Variants in TBCD observed in about 807,000 individuals in gnomAD.
TBCD encodes tubulin-specific chaperone D.
In TBCD, 105 loss-of-function variants were observed where a neutral mutation model predicts 169.3. That is an observed-to-expected ratio of 0.62 (90% CI 0.53 to 0.73). The LOEUF (loss-of-function observed/expected upper bound fraction) is 0.73, where lower values mean the gene tolerates loss of function less well. Among genes scored for constraint, TBCD ranks in the 30% least tolerant of loss-of-function variants. The probability of loss-of-function intolerance (pLI) is 0.00; values close to 1 mark genes in which losing one functional copy is unlikely to be tolerated. For synonymous variants in TBCD, 700 were observed against 643.9 expected (o/e 1.09, Z -1.32); for missense variants, 1,444 against 1,600.1 (o/e 0.90, Z 1.66).
rs761786040 is a variant in TBCD, at chr17:82,870,392, C to T, written c.1475+12C>T. ...ACTGCAATCTCGAGGTAGGCCCATT[C>T]GTCGAGGTACATCGGATGCGCCGTG... On this transcript the variant is annotated intron_variant, in intron 14 of 38. Coordinates refer to ENST00000355528, the MANE Select transcript of TBCD (RefSeq NM_005993.5). The T allele has an allele frequency of 1.3e-5, 21 of 1,610,376 alleles. No homozygotes were observed. Among genetic ancestry groups the T allele is most frequent in the East Asian group, 6.7e-5 (3 of 44,804 alleles).
intron 37 of TBCD, among the ~76,000 whole-genome samples, chr17:82,940,231 A>G (rs1377309506): frequency 3.3e-5 from 5 of 151,664 alleles, no homozygotes; most frequent in African/African-American, 4.8e-5. Context: ...GCACACACAC[A>G]CACACACACA....
chr17:82,841,575 T>C (rs746036409), intron 13 of TBCD, among the ~76,000 whole-genome samples: 1 of 152,228 alleles, frequency 6.6e-6, no homozygotes, highest in Non-Finnish European at 1.5e-5. Context: ...GAGACATCCA[T>C]ATACTTTATG....
chr17:82,903,561 C>A lies in TBCD; in HGVS notation c.1804+83C>A. On this transcript the variant is annotated intron_variant, in intron 19 of 38. Transcript: ENST00000355528. The surrounding 1 kb of genome is among the most constrained non-coding windows in gnomAD (Gnocchi z 4.8). ...GGTTGCTGGTTTCAAAGGCTGGGGG[C>A]TGAAAATAAGGTTGTGCTTCTGTCT... 2 of 1,374,948 alleles carry A rather than the reference C, an allele frequency of 1.5e-6. No homozygotes were observed. Among genetic ancestry groups the A allele is most frequent in the Non-Finnish European group, 2.0e-6 (2 of 995,346 alleles). 85.2% of individuals were successfully genotyped at this position (1,374,948 alleles called of 1,614,324 possible).
At chr17:82,917,024 C>CTT (rs66678293) in intron 23 of TBCD, among the ~76,000 whole-genome samples, 44 of 130,890 alleles carry the variant, frequency 3.4e-4, no homozygotes, top group South Asian at 1.4e-3. Context: ...CTTTTCTTTT[C>CTT]TTTTTTTTTT....
Position 82,766,275 on chromosome 17 carries a change from C to T in TBCD, c.342C>T (p.Gly114=), listed in dbSNP as rs780519761. Residue 114 remains glycine, a synonymous_variant, in exon 4 of 39, where the codon GGC becomes GGT. Transcript: ENST00000355528. ...ATCTCTTTATTTGATAGGTTCGAGGCTATAAAACATTTCTTCGTTTATTTC... is the reference window on the plus strand; with the variant it reads ...ATCTCTTTATTTGATAGGTTCGAGGTTATAAAACATTTCTTCGTTTATTTC... ...KFLYIITKVR[G]YKTFLRLFPH... 3.1e-6 allele frequency: 5 copies of T among 1,610,304 alleles called. No individual in the cohort carries two copies. The Admixed American group carries it at 8.4e-5, about 27-fold the overall frequency.
At chr17:82,838,029 T>A (rs1598831847) in intron 13 of TBCD, among the ~76,000 whole-genome samples, 1 of 152,376 alleles carries the variant, frequency 6.6e-6, no homozygotes, top group East Asian at 1.9e-4. Context: ...AAATGTTGTG[T>A]GCTCAGCCGA....
In TBCD at chr17:82,775,164, G is replaced by A. The variant is rs2048512276; in HGVS notation, c.638+2657G>A. Among the ~76,000 whole-genome samples the A allele has an allele frequency of 3.3e-5, 5 of 152,218 alleles. No individual in the cohort carries two copies. The South Asian group carries it at 1.0e-3, about 31-fold the overall frequency. On this transcript the variant is annotated intron_variant, in intron 6 of 38. Transcript: ENST00000355528. ...GACACCGCAGCGCCACCTAGTGCCGGGATGAGCAGGTGCTTTTCGGCCGAG... is the reference window on the plus strand; with the variant it reads ...GACACCGCAGCGCCACCTAGTGCCGAGATGAGCAGGTGCTTTTCGGCCGAG...
intron 30 of TBCD, 124 bp from the exon 31 acceptor site, chr17:82,928,989 G>A (rs1229431500): frequency 6.3e-6 from 8 of 1,270,874 alleles, no homozygotes; most frequent in Middle Eastern, 2.7e-4. Context: ...ACCATGTCCC[G>A]AGGAGCCCGC....
At chr17:82,877,230 T>C (rs2058038680) in intron 14 of TBCD, among the ~76,000 whole-genome samples, 1 of 152,260 alleles carries the variant, frequency 6.6e-6, no homozygotes, top group African/African-American at 2.4e-5. Context: ...AACACGTGGC[T>C]TTACAGGTTT....
rs74002546 is a variant in TBCD at position 82,833,477 on chromosome 17, C to G, written c.1318+18543C>G. Reference sequence around the variant, plus strand: ...TCATTAAGTAGCATTTATGTTGTCTCAGATATGAATACAAATGCTATATTT... The same window carrying G: ...TCATTAAGTAGCATTTATGTTGTCTGAGATATGAATACAAATGCTATATTT... On this transcript the variant is annotated intron_variant, in intron 13 of 38. Transcript: ENST00000355528. The surrounding 1 kb of genome is among the most constrained non-coding windows in gnomAD (Gnocchi z 4.7). 0.01 allele frequency among the ~76,000 whole-genome samples: 1,564 copies of G among 152,314 alleles called. 23 individuals are homozygous for G. Among genetic ancestry groups the G allele is most frequent in the African/African-American group, 0.035 (1,457 of 41,562 alleles).
At chr17:82,812,114 C>T (rs906772475) in intron 12 of TBCD, among the ~76,000 whole-genome samples, 3 of 152,052 alleles carry the variant, frequency 2.0e-5, no homozygotes, top group Non-Finnish European at 4.4e-5. Flanking sequence ...GGAAGTAGCG[C>T]CAGACCCCAG....
chr17:82,820,004 A>C (rs1451494466), intron 13 of TBCD, among the ~76,000 whole-genome samples: 1 of 148,316 alleles, frequency 6.7e-6, no homozygotes, highest in East Asian at 2.0e-4. Flanking sequence ...TTTGAGACAG[A>C]GTCTTGCTCT....
In TBCD at chr17:82,858,857, G is replaced by A. The variant is rs186279355; in HGVS notation, c.1319-11367G>A. 4.0e-4 allele frequency among the ~76,000 whole-genome samples: 61 copies of A among 152,340 alleles called. 3 individuals carry two copies. The East Asian group carries it at 0.012, about 29-fold the overall frequency. ...GTGGGTGGCTGCCTGGGGCTACCCC[G>A]TGTAGACTTGCTGGGACTTTGTCTA... On this transcript the variant is annotated intron_variant, in intron 13 of 38. Transcript: ENST00000355528.
At chr17:82,794,794 A>T (rs560140842) in intron 7 of TBCD, among the ~76,000 whole-genome samples, 1 of 152,316 alleles carries the variant, frequency 6.6e-6, no homozygotes, top group East Asian at 1.9e-4. Context: ...GGGAAAGTGG[A>T]TAACTTTTGG....
chr17:82,752,093 G>C lies in TBCD; in HGVS notation c.-101G>C. ...AGCGTCGGTTGCCGCCTTAGCGGGC[G>C]CCTCCTTTTCATCCCTCATCCTTCA... On this transcript the variant is annotated 5_prime_UTR_variant, in exon 1 of 39. Transcript: ENST00000355528. 3 of 1,278,958 alleles carry C rather than the reference G, an allele frequency of 2.3e-6. No homozygotes were observed. The highest frequency in any genetic ancestry group is 1.6e-5 in the African/African-American group (1 of 63,314). 79.2% of individuals were successfully genotyped at this position (1,278,958 alleles called of 1,614,324 possible).
chr17:82,832,122 G>T lies in TBCD; in HGVS notation c.1318+17188G>T. On this transcript the variant is annotated intron_variant, in intron 13 of 38. Transcript: ENST00000355528. This position sits in a 1 kb window ranked among gnomAD's most constrained non-coding sequence, Gnocchi z 4.9. ...GGGCTTGCAGCTCCAGGTTTTCCTT[G>T]ATGTCTTCCCTGGCAGAGCTGTGCT... 6.2e-7 allele frequency: 1 copy of T among 1,614,248 alleles called. No individual in the cohort carries two copies. Among genetic ancestry groups the T allele is most frequent in the Non-Finnish European group, 8.5e-7 (1 of 1,180,040 alleles).
chr17:82,867,707 G>A (rs916615368), intron 13 of TBCD, among the ~76,000 whole-genome samples: 20 of 152,206 alleles, frequency 1.3e-4, no homozygotes, highest in Admixed American at 3.3e-4. Flanking sequence ...TCTCACAGCC[G>A]CCTTCTTGTT....
intron 12 of TBCD, 64 bp downstream of exon 12, chr17:82,809,846 T>C (rs2051297697): frequency 6.8e-7 from 1 of 1,473,536 alleles, no homozygotes; most frequent in South Asian, 1.2e-5. Context: ...CTGGCTTTCC[T>C]TATATCCTTT....
chr17:82,826,810 C>CT (rs2052890866), intron 13 of TBCD, among the ~76,000 whole-genome samples: 1 of 152,122 alleles, frequency 6.6e-6, no homozygotes, highest in Non-Finnish European at 1.5e-5. Context: ...AGGTCTCACT[C>CT]TGTCACCCAG....
Sources: gnomAD v4.1 joint callset for allele counts (sites outside exome capture counted in the v4.1 genomes callset) on GRCh38, gnomAD v4.1.1 for gene constraint, Gnocchi (gnomAD v3.1) non-coding constraint, MANE v1.5 for transcripts, NCBI Gene and HGNC (gene_info 2026-07-23, HGNC 2026-07-21) for gene names.